The following NYAP2 variants were observed in gnomAD, a reference collection of about 807,000 sequenced individuals.
NYAP2 encodes the protein neuronal tyrosine-phosphorylated phosphoinositide-3-kinase adaptor 2, also known as neuronal tyrosine-phosphorylated phosphoinositide-3-kinase adapter 2.
In NYAP2, 23 loss-of-function variants were observed where a neutral mutation model predicts 50.4. That is an observed-to-expected ratio of 0.46 (90% CI 0.33 to 0.65). The LOEUF (loss-of-function observed/expected upper bound fraction) is 0.65, where lower values mean the gene tolerates loss of function less well. NYAP2 is among the 30% of genes least tolerant of loss of function. NYAP2 has a pLI of 0.02. For synonymous variants in NYAP2, 394 were observed against 365.2 expected, an observed-to-expected ratio of 1.08 and a Z score of -0.90; for missense variants, 885 against 861.0, an observed-to-expected ratio of 1.03 and a Z score of -0.35.
chr2:225,513,469 C>T, exon 4 of NYAP2: 1 of 1,613,926 alleles, frequency 6.2e-7, no homozygotes. Context: ...GACAGACTTC[C>T]CCATCCTTGC....
At chr2:225,566,138 C>A (rs1389299916) in intron 4 of NYAP2, among the ~76,000 whole-genome samples, 1 of 152,026 alleles carries the variant, frequency 6.6e-6, no homozygotes, top group African/African-American at 2.4e-5. Context: ...AATAATCCCC[C>A]CAAAGCGCAT....
chr2:225,515,326 A>G (rs548059497), intron 4 of NYAP2, among the ~76,000 whole-genome samples: 4 of 152,300 alleles, frequency 2.6e-5, no homozygotes, highest in African/African-American at 9.6e-5. Context: ...TTCTATTGTA[A>G]CTAATTTCCA....
At chr2:225,408,809 C>A (rs1221941625) in intron 2 of NYAP2, 55 bp from the exon 3 acceptor site, 3 of 918,552 alleles carry the variant, frequency 3.3e-6, no homozygotes, top group Non-Finnish European at 5.2e-6. Context: ...TAATAAACAG[C>A]ACCTTGCTTT....
chr2:225,505,078 C>G (rs769967085), intron 3 of NYAP2, among the ~76,000 whole-genome samples: 1 of 150,994 alleles, frequency 6.6e-6, no homozygotes, highest in Non-Finnish European at 1.5e-5. Flanking sequence ...GAAACTGAGT[C>G]CTTTCTCTTC....
chr2:225,655,885 TACACACACAC>T (rs372646871), downstream of NYAP2, among the ~76,000 whole-genome samples: 36 of 121,210 alleles, frequency 3.0e-4, no homozygotes, highest in African/African-American at 7.1e-4. Flanking sequence ...CAACCTCCAC[TACACACACAC>T]ACACACACAC....
At chr2:225,608,987 T>A (rs1185763005) in intron 5 of NYAP2, among the ~76,000 whole-genome samples, 1 of 152,128 alleles carries the variant, frequency 6.6e-6, no homozygotes, top group Non-Finnish European at 1.5e-5. Context: ...GTAATCACAC[T>A]GGCCTGAAAC....
intron 3 of NYAP2, among the ~76,000 whole-genome samples, chr2:225,496,707 C>T (rs1690512096): frequency 6.6e-6 from 1 of 152,010 alleles, no homozygotes; most frequent in Admixed American, 6.5e-5. Context: ...AGTTAAATTT[C>T]CCTGGTCACC....
At chr2:225,649,760 G>A (rs1693697760) in intron 6 of NYAP2, among the ~76,000 whole-genome samples, 1 of 152,238 alleles carries the variant, frequency 6.6e-6, no homozygotes, top group Non-Finnish European at 1.5e-5. Flanking sequence ...TCTCTGGCAA[G>A]TTCCTGGCAC....
At chr2:225,637,565 C>T (rs1342923741) in intron 6 of NYAP2, among the ~76,000 whole-genome samples, 1 of 152,130 alleles carries the variant, frequency 6.6e-6, no homozygotes, top group Admixed American at 6.5e-5. Context: ...TTCTGTTCAC[C>T]GTTTTCTCAC....
At chr2:225,641,422 AACACACACACACACACACAC>A (rs56041107) in intron 6 of NYAP2, among the ~76,000 whole-genome samples, 38 of 133,718 alleles carry the variant, frequency 2.8e-4, no homozygotes, top group South Asian at 9.9e-4. Flanking sequence ...CAATCCCTCA[AACACACACACACACACACAC>A]ACACACACAC....
intron 3 of NYAP2, among the ~76,000 whole-genome samples, chr2:225,455,787 C>A (rs955062602): frequency 1.3e-5 from 2 of 152,176 alleles, no homozygotes; most frequent in African/African-American, 4.8e-5. Context: ...TACTTTATGA[C>A]TGCTGGATGG....
intron 5 of NYAP2, among the ~76,000 whole-genome samples, chr2:225,623,626 A>G (rs973001895): frequency 2.6e-5 from 4 of 152,260 alleles, no homozygotes; most frequent in African/African-American, 9.6e-5. Context: ...ATATTCATAT[A>G]GAATAAACAC....
chr2:225,562,248 C>T (rs185128057), intron 4 of NYAP2, among the ~76,000 whole-genome samples: 1 of 152,070 alleles, frequency 6.6e-6, no homozygotes, highest in Non-Finnish European at 1.5e-5. Context: ...AAATGACACA[C>T]AAATGAGGAA....
chr2:225,694,544 AT>A, the NYAP2 span, among the ~76,000 whole-genome samples: 1 of 151,882 alleles, frequency 6.6e-6, no homozygotes, highest in African/African-American at 2.4e-5. Flanking sequence ...TTGGAGTTCG[AT>A]TTTGAGAATT....
intron 3 of NYAP2, among the ~76,000 whole-genome samples, chr2:225,422,253 G>A (rs752138101): frequency 1.3e-5 from 2 of 152,104 alleles, no homozygotes; most frequent in African/African-American, 4.8e-5. Flanking sequence ...CCAGTAAAAG[G>A]CTTTTTAGCA....
At chr2:225,562,031 CACTGAAAATCTGGAAG>C (rs1691885486) in intron 4 of NYAP2, among the ~76,000 whole-genome samples, 2 of 152,212 alleles carry the variant, frequency 1.3e-5, no homozygotes, top group South Asian at 4.2e-4. Flanking sequence ...AAGAAAAGCT[CACTGAAAATCTGGAAG>C]ACAGAGTGGG....
intron 3 of NYAP2, among the ~76,000 whole-genome samples, chr2:225,412,842 G>A (rs1175218409): frequency 6.6e-6 from 1 of 152,106 alleles, no homozygotes; most frequent in Non-Finnish European, 1.5e-5. Context: ...CAGAGGCACA[G>A]AGGAATTACT....
chr2:225,456,987 G>A (rs1462345505), intron 3 of NYAP2, among the ~76,000 whole-genome samples: 1 of 152,152 alleles, frequency 6.6e-6, no homozygotes, highest in Non-Finnish European at 1.5e-5. Context: ...GTTGTTAGAA[G>A]AAAAGTGATT....
intron 5 of NYAP2, among the ~76,000 whole-genome samples, chr2:225,592,683 T>C (rs915943627): frequency 6.6e-6 from 1 of 152,210 alleles, no homozygotes; most frequent in African/African-American, 2.4e-5. Flanking sequence ...ATTTAGTTTA[T>C]CCTAGAATTG....
Sources: allele counts gnomAD v4.1 joint callset (sites outside exome capture counted in the v4.1 genomes callset), GRCh38; gene constraint gnomAD v4.1.1; transcripts MANE v1.5; gene names NCBI Gene and HGNC (gene_info 2026-07-23, HGNC 2026-07-21).